The following MYOCOS variants were observed in gnomAD, a reference collection of about 807,000 sequenced individuals.
MYOCOS encodes the protein myocilin opposite strand protein.
At chr1:171,619,839 A>C (rs189947703), upstream of MYOCOS, among the ~76,000 whole-genome samples, 566 of 151,540 alleles carry the variant, frequency 3.7e-3, 6 homozygotes, top group African/African-American at 0.013. Flanking sequence ...TCAAAAAAAA[A>C]AAAAAGAAAA....
upstream of MYOCOS, among the ~76,000 whole-genome samples, chr1:171,617,680 T>G (rs1397155365): frequency 6.6e-6 from 1 of 152,220 alleles, no homozygotes; most frequent in Non-Finnish European, 1.5e-5. Context: ...TAGACAAATC[T>G]TTCACAAGCA....
At chr1:171,620,616 A>T (rs1490756432), upstream of MYOCOS, among the ~76,000 whole-genome samples, 1 of 152,072 alleles carries the variant, frequency 6.6e-6, no homozygotes, top group Admixed American at 6.6e-5. Context: ...CTTAACCTGA[A>T]CATTCCCTTT....
chr1:171,610,558 G>C (rs1178928836), intron 1 of MYOCOS, among the ~76,000 whole-genome samples: 1 of 152,226 alleles, frequency 6.6e-6, no homozygotes, highest in East Asian at 1.9e-4. Flanking sequence ...AAGGACAAGT[G>C]AGCATGAGAA....
chr1:171,620,773 C>CTTTTTTTTT (rs34455235), upstream of MYOCOS, among the ~76,000 whole-genome samples: 2 of 127,212 alleles, frequency 1.6e-5, no homozygotes, highest in African/African-American at 6.1e-5. Context: ...CTTTTTCTTT[C>CTTTTTTTTT]TTTTTTTTTT....
At chr1:171,619,382 G>T (rs553957828), upstream of MYOCOS, among the ~76,000 whole-genome samples, 1 of 152,290 alleles carries the variant, frequency 6.6e-6, no homozygotes, top group South Asian at 2.1e-4. Flanking sequence ...ACATCCTAAA[G>T]GATGGCTAGT....
intron 2 of MYOCOS, among the ~76,000 whole-genome samples, chr1:171,624,492 G>A (rs906430044): frequency 3.3e-5 from 5 of 151,168 alleles, no homozygotes; most frequent in African/African-American, 1.2e-4. Context: ...TGTCGCCCAG[G>A]CTGGAGCAAT....
Position 171,622,709 on chromosome 1 carries a change from T to TGCAC in MYOCOS, c.-44+378_-44+379insCACG, listed in dbSNP as rs1470662036. ...TGGCAGTCACCACGTGAGTGTGACC[T>TGCAC]GGTGTCTAGGAATGGGAATTACTCT... On this transcript the variant is annotated intron_variant, in intron 1 of 2. Coordinates refer to ENST00000637642, the MANE Select transcript of MYOCOS (RefSeq NM_001391940.1). 3.9e-5 allele frequency among the ~76,000 whole-genome samples: 6 copies of TGCAC among 152,130 alleles called. 1 individual carries two copies. Among genetic ancestry groups the TGCAC allele is most frequent in the Non-Finnish European group, 8.8e-5 (6 of 68,030 alleles).
chr1:171,604,509 G>A (rs1652206732), intron 1 of MYOCOS: 1 of 152,214 alleles, frequency 6.6e-6, no homozygotes, highest in Non-Finnish European at 1.5e-5. Context: ...AGCCCGATGT[G>A]TGCTATGACT....
In MYOCOS at chr1:171,606,066, C is replaced by T. The variant is rs562407474; in HGVS notation, c.-252+4986C>T. 3.3e-5 allele frequency among the ~76,000 whole-genome samples: 5 copies of T among 152,260 alleles called. No individual in the cohort carries two copies. In the South Asian group the frequency reaches 8.3e-4, roughly 25 times the overall value. ...TGCCCGTAAAAGTGTAGCACGGATT[C>T]GACCCTGAAGCCATGTTTAAAAGGT... On this transcript the variant is annotated intron_variant, in intron 1 of 3. Transcript: ENST00000636697.
intron 1 of MYOCOS, among the ~76,000 whole-genome samples, chr1:171,602,889 C>G (rs1052718382): frequency 1.3e-5 from 2 of 151,924 alleles, no homozygotes; most frequent in African/African-American, 4.8e-5. Context: ...GACGGCATAC[C>G]AAGATGCAAA....
At chr1:171,611,192 C>T (rs1652345513) in intron 1 of MYOCOS, among the ~76,000 whole-genome samples, 1 of 152,154 alleles carries the variant, frequency 6.6e-6, no homozygotes, top group African/African-American at 2.4e-5. Context: ...TTGACAAAAC[C>T]AAACTTGAGG....
intron 1 of MYOCOS, among the ~76,000 whole-genome samples, chr1:171,613,423 T>C (rs1054388385): frequency 6.6e-6 from 1 of 152,156 alleles, no homozygotes; most frequent in African/African-American, 2.4e-5. Flanking sequence ...GCCTGGAGGG[T>C]TCAGGAGGAT....
upstream of MYOCOS, among the ~76,000 whole-genome samples, chr1:171,621,597 A>G (rs544224206): frequency 7.5e-4 from 114 of 151,040 alleles, no homozygotes; most frequent in South Asian, 9.3e-3. Context: ...GGATGGTCTC[A>G]ATCTCCTGAC....
chr1:171,611,888 A>G (rs980876621), intron 1 of MYOCOS, among the ~76,000 whole-genome samples: 6 of 152,150 alleles, frequency 3.9e-5, no homozygotes, highest in African/African-American at 1.4e-4. Context: ...AATCTGACTG[A>G]TGGGTAAACT....
At chr1:171,624,894 C>A (rs943058069) in intron 2 of MYOCOS, among the ~76,000 whole-genome samples, 1 of 152,032 alleles carries the variant, frequency 6.6e-6, no homozygotes, top group East Asian at 1.9e-4. Flanking sequence ...CAAGATGACA[C>A]CTCTAGCTTG....
At chr1:171,606,813 T>C (rs1652252724) in intron 1 of MYOCOS, among the ~76,000 whole-genome samples, 1 of 152,056 alleles carries the variant, frequency 6.6e-6, no homozygotes, top group Non-Finnish European at 1.5e-5. Context: ...TCTCTGCGGC[T>C]TGTCCTGCTA....
chr1:171,624,168 C>T (rs1652633898), intron 2 of MYOCOS, among the ~76,000 whole-genome samples, 190 bp downstream of exon 2: 1 of 152,182 alleles, frequency 6.6e-6, no homozygotes, highest in African/African-American at 2.4e-5. Flanking sequence ...TCCCACATGG[C>T]CCTTCAAGGG....
At chr1:171,621,429 G>A (rs549936792), upstream of MYOCOS, among the ~76,000 whole-genome samples, 1 of 135,390 alleles carries the variant, frequency 7.4e-6, no homozygotes, top group African/African-American at 2.8e-5. Flanking sequence ...AGGCTAGAGT[G>A]CAGTGGCGCG....
chr1:171,621,073 A>G (rs947169420), upstream of MYOCOS, among the ~76,000 whole-genome samples: 2 of 151,618 alleles, frequency 1.3e-5, no homozygotes, highest in Non-Finnish European at 2.9e-5. Flanking sequence ...CGGCCTACCA[A>G]TGTATTTCTT....
Sources: gnomAD v4.1 joint callset for allele counts (sites outside exome capture counted in the v4.1 genomes callset) on GRCh38, gnomAD v4.1.1 for gene constraint, MANE v1.5 for transcripts, NCBI Gene and HGNC (gene_info 2026-07-23, HGNC 2026-07-21) for gene names.